Variants in DCC observed in about 807,000 individuals in gnomAD.
DCC encodes the protein DCC netrin 1 receptor.
DCC carries 58 observed loss-of-function variants against 172.5 expected under a neutral mutation model. That is an observed-to-expected ratio of 0.34 (90% CI 0.27 to 0.42). DCC has a LOEUF of 0.42. Among genes scored for constraint, DCC ranks in the 10% least tolerant of loss-of-function variants. The pLI is 1.00. For missense variants in DCC, 1,740 were observed against 1,791.0 expected (o/e 0.97, Z 0.51); for synonymous variants, 709 against 644.5 (o/e 1.10, Z -1.52).
intron 1 of DCC, among the ~76,000 whole-genome samples, chr18:52,558,254 C>T (rs1745590360): frequency 6.6e-6 from 1 of 151,372 alleles, no homozygotes; most frequent in African/African-American, 2.4e-5. Flanking sequence ...ATTAATATTA[C>T]TATTAATTAA....
chr18:53,430,561 G>A lies in DCC; in HGVS notation c.3164-4583G>A, dbSNP rs117181271. ...TGGAAAAGATTCTCAATCTGCCCAT[G>A]TGTGCTGCAAATAAGGATTTAATAT... On this transcript the variant is annotated intron_variant, in intron 21 of 28. Transcript: ENST00000442544. Among the ~76,000 whole-genome samples, 854 of 152,190 alleles carry A rather than the reference G, an allele frequency of 5.6e-3. 3 individuals carry two copies. Among genetic ancestry groups the A allele is most frequent in the Middle Eastern group, 0.037 (11 of 294 alleles).
intron 1 of DCC, among the ~76,000 whole-genome samples, chr18:52,543,815 T>C (rs2032533976): frequency 6.6e-6 from 1 of 152,194 alleles, no homozygotes. Context: ...CCCATTGAGC[T>C]GAGCATCCTG....
chr18:53,377,389 G>GAGAGAGAGAGAGAGA (rs56300801), intron 15 of DCC, among the ~76,000 whole-genome samples: 8 of 148,130 alleles, frequency 5.4e-5, no homozygotes, highest in African/African-American at 1.5e-4. Flanking sequence ...GAGAGAGAGA[G>GAGAGAGAGAGAGAGA]GAAGAAGGCC....
intron 1 of DCC, among the ~76,000 whole-genome samples, chr18:52,526,560 T>A (rs1336286508): frequency 6.6e-6 from 1 of 152,080 alleles, no homozygotes; most frequent in East Asian, 1.9e-4. Context: ...CTATCTCATG[T>A]CATCATGGGT....
chr18:52,510,341 G>A (rs1191171001), intron 1 of DCC, among the ~76,000 whole-genome samples: 1 of 152,152 alleles, frequency 6.6e-6, no homozygotes, highest in Admixed American at 6.6e-5. Context: ...CCAGCTGCGG[G>A]CTCAGGTCTT....
chr18:53,156,455 C>T (rs1034752395), intron 7 of DCC, among the ~76,000 whole-genome samples: 2 of 149,296 alleles, frequency 1.3e-5, no homozygotes, highest in African/African-American at 5.0e-5. Flanking sequence ...TGCACTCCAG[C>T]TTGGGTTGCA....
At chr18:52,548,482 T>A (rs1452407686) in intron 1 of DCC, among the ~76,000 whole-genome samples, 2 of 151,254 alleles carry the variant, frequency 1.3e-5, no homozygotes, top group African/African-American at 4.9e-5. Flanking sequence ...AACGTTAGCA[T>A]CTCAAGTAGG....
intron 5 of DCC, among the ~76,000 whole-genome samples, chr18:52,945,932 C>T (rs1469586474): frequency 6.6e-6 from 1 of 152,166 alleles, no homozygotes; most frequent in East Asian, 1.9e-4. Flanking sequence ...GACATGGCAA[C>T]CTGGAACTTC....
chr18:52,784,510 T>C (rs1280032365), intron 2 of DCC, among the ~76,000 whole-genome samples: 2 of 152,102 alleles, frequency 1.3e-5, no homozygotes, highest in African/African-American at 2.4e-5. Flanking sequence ...ATAATGTCTG[T>C]ACTGATTTGC....
intron 7 of DCC, among the ~76,000 whole-genome samples, chr18:53,092,258 G>T (rs1016884246): frequency 7.2e-5 from 11 of 152,094 alleles, no homozygotes; most frequent in Non-Finnish European, 1.5e-4. Flanking sequence ...TCTGAGATCT[G>T]TATTTTTAAC....
intron 2 of DCC, among the ~76,000 whole-genome samples, chr18:52,800,256 C>A (rs2037959523): frequency 6.6e-6 from 1 of 152,032 alleles, no homozygotes; most frequent in Non-Finnish European, 1.5e-5. Context: ...AAAATGCCTG[C>A]AGAATCAAAT....
At chr18:52,995,002 A>G (rs1568233879) in intron 5 of DCC, among the ~76,000 whole-genome samples, 1 of 152,174 alleles carries the variant, frequency 6.6e-6, no homozygotes, top group Non-Finnish European at 1.5e-5. Flanking sequence ...TAAAGAAACT[A>G]ACAGCATTTT....
intron 5 of DCC, among the ~76,000 whole-genome samples, chr18:52,967,673 CCTCTT>C (rs2040957872): frequency 6.6e-6 from 1 of 152,088 alleles, no homozygotes; most frequent in Non-Finnish European, 1.5e-5. Context: ...GTTGCTTTCT[CCTCTT>C]CTGATATATT....
At position 52,340,297 on chromosome 18, in the gene DCC, C is replaced by A. The variant is rs936646262; in HGVS notation, c.-491C>A. 4.0e-5 allele frequency: 8 copies of A among 201,770 alleles called. No individual in the cohort carries two copies. Among genetic ancestry groups the A allele is most frequent in the Non-Finnish European group, 7.2e-5 (7 of 97,074 alleles). The allele number at this position is 201,770 out of a possible 1,614,324, so 12.5% of individuals were successfully genotyped here. A position where few individuals can be genotyped will look rare whatever the true frequency, so the allele number is the denominator to read the frequency against. Reference sequence around the variant, plus strand: ...GTCCCCTCGGCTCTCGGAAGAAAAACCAACAGCATCTCCAGCTCTCGCGCG... The same window carrying A: ...GTCCCCTCGGCTCTCGGAAGAAAAAACAACAGCATCTCCAGCTCTCGCGCG... On this transcript the variant is annotated 5_prime_UTR_variant, in exon 1 of 29. Transcript: ENST00000442544.
intron 5 of DCC, among the ~76,000 whole-genome samples, chr18:53,002,749 A>G (rs2143848465): frequency 6.6e-6 from 1 of 152,284 alleles, no homozygotes; most frequent in Middle Eastern, 3.4e-3. Flanking sequence ...GATATTTAAA[A>G]GAAACGTTTA....
At chr18:53,457,656 G>T (rs1217336599) in intron 23 of DCC, among the ~76,000 whole-genome samples, 1 of 152,042 alleles carries the variant, frequency 6.6e-6, no homozygotes, top group Non-Finnish European at 1.5e-5. Context: ...AGTTTGCCGT[G>T]GGCAAGTGAA....
intron 12 of DCC, among the ~76,000 whole-genome samples, chr18:53,254,022 C>G (rs2056474272): frequency 6.6e-6 from 1 of 151,990 alleles, no homozygotes; most frequent in Non-Finnish European, 1.5e-5. Flanking sequence ...CATAAAGTGT[C>G]ATATAGCCTC....
At chr18:53,397,573 A>T in intron 18 of DCC, 127 bp downstream of exon 18, 2 of 980,640 alleles carry the variant, frequency 2.0e-6, no homozygotes, top group Non-Finnish European at 3.1e-6. Context: ...TTCATCCTCT[A>T]TAGTTCATAG....
intron 21 of DCC, among the ~76,000 whole-genome samples, chr18:53,434,027 T>C (rs1911794212): frequency 6.6e-6 from 1 of 152,196 alleles, no homozygotes; most frequent in South Asian, 2.1e-4. Flanking sequence ...TGAAAGCTGT[T>C]TTGCAAATAA....
Sources: allele counts gnomAD v4.1 joint callset (sites outside exome capture counted in the v4.1 genomes callset), GRCh38; gene constraint gnomAD v4.1.1; transcripts MANE v1.5; gene names NCBI Gene and HGNC (gene_info 2026-07-23, HGNC 2026-07-21).